Variants in PWWP3A observed in about 807,000 individuals in gnomAD.
The protein encoded by PWWP3A is PWWP domain-containing DNA repair factor 3A.
PWWP3A carries 53 observed loss-of-function variants against 79.0 expected under a neutral mutation model. That is an observed-to-expected ratio of 0.67 (90% CI 0.54 to 0.84). The LOEUF is 0.84. Among genes scored for constraint, PWWP3A ranks in the 40% least tolerant of loss-of-function variants. The probability of loss-of-function intolerance (pLI) is 0.00; values close to 1 mark genes in which losing one functional copy is unlikely to be tolerated. For missense variants in PWWP3A, 973 were observed against 948.0 expected (o/e 1.03, Z -0.35); for synonymous variants, 443 against 394.4 (o/e 1.12, Z -1.46).
At chr19:1,358,172 C>T (rs549175085) in intron 3 of PWWP3A, 9 of 485,784 alleles carry the variant, frequency 1.9e-5, no homozygotes, top group South Asian at 1.5e-4. Context: ...TCCAGCCAAC[C>T]TTTTCTGTCT....
At chr19:1,364,913 G>A (rs753793112) in intron 7 of PWWP3A, among the ~76,000 whole-genome samples, 1 of 152,176 alleles carries the variant, frequency 6.6e-6, no homozygotes, top group Non-Finnish European at 1.5e-5. Flanking sequence ...GAGGTCGGGA[G>A]TTCGAGACCA....
rs893784667 is a variant in PWWP3A at position 1,368,802 on chromosome 19, G to A, written c.1423-463G>A. On this transcript the variant is annotated intron_variant, in intron 9 of 13. Coordinates refer to ENST00000591337, the MANE Select transcript of PWWP3A (RefSeq NM_001369789.1). This position sits in a 1 kb window ranked among gnomAD's most constrained non-coding sequence, Gnocchi z 4.7. ...TGTCATGTGGCACAGTGGCCACAGG[G>A]GAGGTGTTTGCACCGTCGATGCGTT... Among the ~76,000 whole-genome samples, 4 of 152,182 alleles carry A rather than the reference G, an allele frequency of 2.6e-5. No homozygotes were observed. Among genetic ancestry groups the A allele is most frequent in the African/African-American group, 7.2e-5 (3 of 41,434 alleles).
chr19:1,356,452 G>C lies in PWWP3A; in HGVS notation c.57+3G>C. ...AAAAGCGATTATGGCCTGCGAAGGT[G>C]ACAGCCATTATTCTGTAACTTCAGG... On this transcript the variant is annotated splice_donor_region_variant and intron_variant, in intron 2 of 13. Coordinates refer to ENST00000591337, the MANE Select transcript of PWWP3A (RefSeq NM_001369789.1). 1 of 1,614,056 alleles carries C rather than the reference G, an allele frequency of 6.2e-7. No homozygotes were observed. The highest frequency in any genetic ancestry group is 1.1e-5 in the South Asian group (1 of 91,070).
intron 13 of PWWP3A, among the ~76,000 whole-genome samples, chr19:1,375,530 T>TATTATATATAAA (rs1555773305): frequency 0.048 from 3,421 of 71,506 alleles, 74 homozygotes; most frequent in Middle Eastern, 0.069. Context: ...TCATATAATT[T>TATTATATATAAA]ATATATTTTA....
chr19:1,364,214 G>A (rs1190448469), intron 6 of PWWP3A: 13 of 582,096 alleles, frequency 2.2e-5, no homozygotes, highest in Non-Finnish European at 4.0e-5. Context: ...AGCCCCAGCC[G>A]CCCCTCGTGG....
At chr19:1,366,466 G>A in intron 8 of PWWP3A, 85 bp downstream of exon 8, 1 of 1,255,922 alleles carries the variant, frequency 8.0e-7, no homozygotes, top group East Asian at 2.4e-5. Flanking sequence ...TGGGGATGGA[G>A]GGACAGAGGG....
At chr19:1,366,191 C>G (rs1555771078) in intron 7 of PWWP3A, 114 bp from the exon 8 acceptor site, 14 of 173,346 alleles carry the variant, frequency 8.1e-5, no homozygotes, top group Non-Finnish European at 1.2e-4. Flanking sequence ...GCTGGGGTCA[C>G]CCCCAGAGCT....
rs1384367750 is a variant in PWWP3A at position 1,371,025 on chromosome 19, C to T, written c.1933C>T (p.Gln645Ter). ...CCAGGAGGTGGGGGCCAAGGTGCTC[C>T]AGCGCACCAACGGCGACCGGATCCG... is the stretch of plus-strand genomic sequence containing the variant. ...VYQEVGAKVL[Q>*]RTNGDRIRFI... The change falls in exon 12 of 14, where the codon CAG becomes TAG. Residue 645 changes from glutamine to a stop codon, truncating the protein, a stop_gained. Coordinates refer to ENST00000591337, the MANE Select transcript of PWWP3A (RefSeq NM_001369789.1). LOFTEE classifies it high-confidence loss of function. The T allele has an allele frequency of 6.3e-7, 1 of 1,575,282 alleles. No individual in the cohort carries two copies. Among genetic ancestry groups the T allele is most frequent in the South Asian group, 1.2e-5 (1 of 85,884 alleles).
intron 9 of PWWP3A, among the ~76,000 whole-genome samples, chr19:1,367,752 G>A (rs1318964881): frequency 6.6e-6 from 1 of 152,204 alleles, no homozygotes; most frequent in Non-Finnish European, 1.5e-5. Context: ...ATGTGCTGTC[G>A]ATGAACTGCA....
chr19:1,360,268 A>T lies in PWWP3A; in HGVS notation c.347A>T (p.Asp116Val), dbSNP rs758681099. The T allele has an allele frequency of 6.2e-7, 1 of 1,614,094 alleles. No homozygotes were observed. The highest frequency in any genetic ancestry group is 8.5e-7 in the Non-Finnish European group (1 of 1,179,992). ...AGCTCTGCAGGGACAGGTAGAGCTG[A>T]CCGGTCTCTGCGAGGGAAGCCCATG... ...QESSAGTGRA[D>V]RSLRGKPMEH... Residue 116 changes from aspartate to valine, a missense_variant, in exon 5 of 14, where the codon GAC becomes GTC. Asp to Val is a radical substitution (Grantham distance 152, BLOSUM62 -3). Transcript: ENST00000591337. This position sits in a 1 kb window ranked among gnomAD's most constrained non-coding sequence, Gnocchi z 4.4.
chr19:1,376,300 T>G (rs1253218176), intron 13 of PWWP3A, among the ~76,000 whole-genome samples: 3 of 91,778 alleles, frequency 3.3e-5, no homozygotes, highest in African/African-American at 6.1e-5. Flanking sequence ...TGTTTGTTTT[T>G]TTTTTTGTTT....
At position 1,356,217 on chromosome 19, in the gene PWWP3A, C is replaced by T. The variant is rs147884420; in HGVS notation, c.-69-107C>T. 8.5e-3 allele frequency: 4,556 copies of T among 538,056 alleles called. 23 individuals carry two copies. Among genetic ancestry groups the T allele is most frequent in the Non-Finnish European group, 0.013 (3,737 of 286,510 alleles). 33.3% of individuals were successfully genotyped at this position (538,056 alleles called of 1,614,324 possible). On this transcript the variant is annotated intron_variant, in intron 1 of 13. Coordinates refer to ENST00000591337, the MANE Select transcript of PWWP3A (RefSeq NM_001369789.1). ...CTCAATGCAAGATTGTGGAATTAAA[C>T]CATCTACTTGAGGCTAAGTCGAGCT...
chr19:1,358,934 A>T, intron 4 of PWWP3A: 1 of 350,186 alleles, frequency 2.9e-6, no homozygotes, highest in South Asian at 2.2e-5. Flanking sequence ...GTGGCCTGGC[A>T]CTGGGGTTGG....
rs2082292476 is a variant in PWWP3A at position 1,372,918 on chromosome 19, C to T, written c.1987-154C>T. The T allele has an allele frequency of 1.5e-5, 9 of 607,002 alleles. No homozygotes were observed. In the South Asian group the frequency reaches 1.6e-4, roughly 11 times the overall value. The allele number at this position is 607,002 out of a possible 1,614,324, so 37.6% of individuals were successfully genotyped here. On this transcript the variant is annotated intron_variant, in intron 12 of 13. Coordinates refer to ENST00000591337, the MANE Select transcript of PWWP3A (RefSeq NM_001369789.1). ...AGAAACATCATTACAAGCAGGGATT[C>T]ATGGACTAGGTTTGCACCTTCTGAA...
At chr19:1,357,318 T>C (rs1669310067) in intron 3 of PWWP3A, 1 of 480,258 alleles carries the variant, frequency 2.1e-6, no homozygotes. Flanking sequence ...GTGAGATCTA[T>C]GGAGAGATTG....
intron 13 of PWWP3A, among the ~76,000 whole-genome samples, chr19:1,375,677 ATTT>A (rs1247879532): frequency 7.1e-6 from 1 of 141,104 alleles, no homozygotes; most frequent in African/African-American, 2.6e-5. Context: ...AAAATGTACA[ATTT>A]TATAATATAT....
Position 1,361,582 on chromosome 19 carries a change from A to G in PWWP3A, c.1111+550A>G, listed in dbSNP as rs535531066. ...CTAGTTCAGAAATCTTAATTACCACATGATCAAATGTCTGGAAATCTACTT... is the reference window on the plus strand; with the variant it reads ...CTAGTTCAGAAATCTTAATTACCACGTGATCAAATGTCTGGAAATCTACTT... On this transcript the variant is annotated intron_variant, in intron 5 of 13. Transcript: ENST00000591337. 2.0e-5 allele frequency among the ~76,000 whole-genome samples: 3 copies of G among 152,348 alleles called. No homozygotes were observed. The East Asian group carries it at 5.8e-4, about 29-fold the overall frequency.
At chr19:1,373,550 C>A in intron 13 of PWWP3A, 1 of 200,528 alleles carries the variant, frequency 5.0e-6, no homozygotes, top group Non-Finnish European at 1.0e-5. Context: ...TTTCCAGCAG[C>A]CAGAAGAATG....
At chr19:1,371,276 C>G (rs549839292) in intron 12 of PWWP3A, 198 bp downstream of exon 12, 10 of 741,910 alleles carry the variant, frequency 1.3e-5, no homozygotes, top group Admixed American at 2.0e-5. Context: ...TGTGCGGAGA[C>G]GGAGCCGCTT....
Sources: allele counts gnomAD v4.1 joint callset (sites outside exome capture counted in the v4.1 genomes callset), GRCh38; gene constraint gnomAD v4.1.1; non-coding constraint Gnocchi (gnomAD v3.1); transcripts MANE v1.5; gene names NCBI Gene and HGNC (gene_info 2026-07-23, HGNC 2026-07-21).